PDE3A: variants seen among roughly 807,000 people sequenced by gnomAD.
The protein encoded by PDE3A is cGMP-inhibited 3',5'-cyclic phosphodiesterase 3A.
PDE3A carries 43 observed loss-of-function variants against 98.3 expected under a neutral mutation model. The ratio of observed to expected loss-of-function variants is 0.44; its 90% confidence interval spans 0.34 to 0.56. The LOEUF (loss-of-function observed/expected upper bound fraction) is 0.56, where lower values mean the gene tolerates loss of function less well. Ranked by LOEUF, PDE3A falls within the 20% of genes least tolerant of loss-of-function variation. The pLI is 0.01. For synonymous variants in PDE3A, 663 were observed against 567.9 expected (o/e 1.17, Z -2.38); for missense variants, 1,427 against 1,440.7 (o/e 0.99, Z 0.15).
chr12:20,663,149 A>C (rs1469784697), intron 15 of PDE3A, among the ~76,000 whole-genome samples: 1 of 152,194 alleles, frequency 6.6e-6, no homozygotes, highest in Non-Finnish European at 1.5e-5. Context: ...CAGAAGACAG[A>C]AATTGAGGTC....
intron 2 of PDE3A, among the ~76,000 whole-genome samples, chr12:20,611,575 C>T (rs532983372): frequency 1.1e-3 from 173 of 151,788 alleles, no homozygotes; most frequent in Non-Finnish European, 1.9e-3. Context: ...CTTACTAATA[C>T]TTTGTAGACT....
intron 1 of PDE3A, among the ~76,000 whole-genome samples, chr12:20,467,279 A>G (rs1016723345): frequency 5.4e-5 from 8 of 148,696 alleles, no homozygotes; most frequent in Non-Finnish European, 1.0e-4. Context: ...AGATCCTTTA[A>G]CAAAGAAAAT....
chr12:20,582,568 T>G (rs1014423389), intron 2 of PDE3A, among the ~76,000 whole-genome samples: 1 of 152,108 alleles, frequency 6.6e-6, no homozygotes, highest in African/African-American at 2.4e-5. Context: ...GATAAATATA[T>G]ATACGCTTAT....
At chr12:20,449,641 T>C (rs759680264) in intron 1 of PDE3A, 35 of 412,192 alleles carry the variant, frequency 8.5e-5, no homozygotes, top group Non-Finnish European at 1.4e-4. Flanking sequence ...CAGATTTTAG[T>C]CTACAAGTCG....
chr12:20,549,827 T>C lies in PDE3A; in HGVS notation c.961-6833T>C, dbSNP rs997162066. Among the ~76,000 whole-genome samples the C allele has an allele frequency of 3.7e-4, 57 of 152,280 alleles. 1 individual carries two copies. The highest frequency in any genetic ancestry group is 1.3e-3 in the African/African-American group (55 of 41,560). On this transcript the variant is annotated intron_variant, in intron 1 of 15. Transcript: ENST00000359062. ...ATAATGCTAGGAAATAACTCTCTGA[T>C]ACATAACACACTTGGCAAATTTTAC...
At chr12:20,627,415 T>G (rs1213105287) in intron 5 of PDE3A, among the ~76,000 whole-genome samples, 1 of 91,694 alleles carries the variant, frequency 1.1e-5, no homozygotes, top group Non-Finnish European at 2.2e-5. Context: ...CCTGCCCCTC[T>G]TTTTGCTTTT....
rs537013180 is a variant in PDE3A at position 20,666,125 on chromosome 12, C to T, written c.3184+11920C>T. 2.0e-4 allele frequency among the ~76,000 whole-genome samples: 30 copies of T among 151,766 alleles called. 1 individual carries two copies. In the Middle Eastern group the frequency reaches 0.01, roughly 52 times the overall value. ...TAGGACAGGCATATGCCACCATGCC[C>T]GGCTAATTTTTGTATTTTTAGTAGA... is the stretch of plus-strand genomic sequence containing the variant. On this transcript the variant is annotated intron_variant, in intron 15 of 15. Transcript: ENST00000359062.
chr12:20,370,894 T>C (rs1371289227), intron 1 of PDE3A, among the ~76,000 whole-genome samples: 3 of 152,234 alleles, frequency 2.0e-5, no homozygotes, highest in Non-Finnish European at 2.9e-5. Flanking sequence ...GTGTGTTTTG[T>C]ATCACAAACT....
Position 20,688,204 on chromosome 12 carries a change from T to C in PDE3A, c.*7933T>C, listed in dbSNP as rs1280066605. 2.0e-5 allele frequency among the ~76,000 whole-genome samples: 3 copies of C among 151,950 alleles called. No individual in the cohort carries two copies. The highest frequency in any genetic ancestry group is 4.4e-5 in the Non-Finnish European group (3 of 67,942). On this transcript the variant is annotated 3_prime_UTR_variant, in exon 16 of 16. Transcript: ENST00000359062. Reference sequence around the variant, plus strand: ...TTCTAGAAAAACAAGAGTGAGTCTTTTGAACTTCATCATTTTGCAATTGAA... The same window carrying C: ...TTCTAGAAAAACAAGAGTGAGTCTTCTGAACTTCATCATTTTGCAATTGAA...
chr12:20,477,677 G>A (rs2120992678), intron 1 of PDE3A, among the ~76,000 whole-genome samples: 1 of 152,268 alleles, frequency 6.6e-6, no homozygotes, highest in South Asian at 2.1e-4. Flanking sequence ...AAACATTACT[G>A]ATTTAAAGGA....
At position 20,525,477 on chromosome 12, in the gene PDE3A, G is replaced by GA. The variant is rs113175434; in HGVS notation, c.961-31183_961-31182insA. ...ACATTCTGATTTGGTTGGGGGGGGG[G>GA]GCTTTTGACATCATCTGTTTCACCT... On this transcript the variant is annotated intron_variant, in intron 1 of 15. Coordinates refer to ENST00000359062, the MANE Select transcript of PDE3A (RefSeq NM_000921.5). Among the ~76,000 whole-genome samples the GA allele has an allele frequency of 4.6e-3, 667 of 144,974 alleles. 5 individuals are homozygous for GA. Among genetic ancestry groups the GA allele is most frequent in the African/African-American group, 0.016 (621 of 38,888 alleles).
At chr12:20,640,913 G>A (rs1277212233) in intron 10 of PDE3A, among the ~76,000 whole-genome samples, 1 of 151,932 alleles carries the variant, frequency 6.6e-6, no homozygotes, top group Non-Finnish European at 1.5e-5. Context: ...TCATATTTTA[G>A]CTTTTAAGCT....
In PDE3A at chr12:20,481,764, A is replaced by ATTTTTTTTTTTTTTTTTTTTT. The variant is rs10657239; in HGVS notation, c.961-74894_961-74874dup. Among the ~76,000 whole-genome samples the ATTTTTTTTTTTTTTTTTTTTT allele has an allele frequency of 5.0e-5, 4 of 79,594 alleles. 1 individual carries two copies. The highest frequency in any genetic ancestry group is 2.1e-4 in the African/African-American group (4 of 19,306). 52.2% of individuals were successfully genotyped at this position (79,594 alleles called of 152,430 possible). ...TCCATGTAAGTGACTTGGGAAATAGATTTTTTTTTTTTTTTTTTTTTTGAG... is the reference window on the plus strand; with the variant it reads ...TCCATGTAAGTGACTTGGGAAATAGATTTTTTTTTTTTTTTTTTTTTTTTTTTTTTTTTTTTTTTTTTTGAG... On this transcript the variant is annotated intron_variant, in intron 1 of 15. Coordinates refer to ENST00000359062, the MANE Select transcript of PDE3A (RefSeq NM_000921.5).
At chr12:20,633,824 T>C in intron 7 of PDE3A, 46 bp downstream of exon 7, 1 of 1,163,030 alleles carries the variant, frequency 8.6e-7, no homozygotes, top group Non-Finnish European at 1.3e-6. Context: ...GAAATTGCCT[T>C]ATTTTTGTTT....
At chr12:20,668,102 A>T (rs1240405697) in intron 15 of PDE3A, among the ~76,000 whole-genome samples, 1 of 152,182 alleles carries the variant, frequency 6.6e-6, no homozygotes, top group Non-Finnish European at 1.5e-5. Context: ...GCACCTGGAA[A>T]ATCAGGTCAC....
chr12:20,478,006 G>A (rs77343784), intron 1 of PDE3A, among the ~76,000 whole-genome samples: 6,763 of 152,190 alleles, frequency 0.044, 218 homozygotes, highest in Non-Finnish European at 0.065. Flanking sequence ...CATTCCTCAA[G>A]TAATTAATTA....
intron 1 of PDE3A, among the ~76,000 whole-genome samples, chr12:20,386,376 AATG>A (rs1452602950): frequency 1.7e-3 from 249 of 149,478 alleles, no homozygotes; most frequent in African/African-American, 5.5e-3. Context: ...GCATTTCTCT[AATG>A]ATCGGTGATG....
At chr12:20,386,084 T>A (rs1591870106) in intron 1 of PDE3A, among the ~76,000 whole-genome samples, 2 of 35,338 alleles carry the variant, frequency 5.7e-5, no homozygotes, top group African/African-American at 1.8e-4. Flanking sequence ...TATATATAAA[T>A]ATATAAATAT....
chr12:20,450,530 AT>A (rs1280149125), intron 1 of PDE3A, among the ~76,000 whole-genome samples: 1 of 152,264 alleles, frequency 6.6e-6, no homozygotes, highest in East Asian at 1.9e-4. Flanking sequence ...GCTGTCTTTT[AT>A]TTGAGAAAAG....
Sources: allele counts gnomAD v4.1 joint callset (sites outside exome capture counted in the v4.1 genomes callset), GRCh38; gene constraint gnomAD v4.1.1; transcripts MANE v1.5; gene names NCBI Gene and HGNC (gene_info 2026-07-23, HGNC 2026-07-21).